Variants in ZNF664 observed in about 807,000 individuals in gnomAD.
ZNF664 encodes zinc finger Organ of Corti 1.
A neutral mutation model predicts 18.2 loss-of-function variants in ZNF664; 10 were observed. The ratio of observed to expected loss-of-function variants is 0.55; its 90% confidence interval spans 0.34 to 0.93. ZNF664 has a LOEUF of 0.93. Among genes scored for constraint, ZNF664 ranks in the 40% least tolerant of loss-of-function variants. The pLI is 0.02. For missense variants in ZNF664, 193 were observed against 319.0 expected (o/e 0.61, Z 3.01); for synonymous variants, 119 against 104.2 (o/e 1.14, Z -0.86).
intron 2 of ZNF664, among the ~76,000 whole-genome samples, chr12:123,978,239 A>G (rs935675813): frequency 3.3e-5 from 5 of 152,242 alleles, no homozygotes; most frequent in African/African-American, 7.2e-5. Context: ...AGTATTTTCA[A>G]TATGCAAAGA....
intron 2 of ZNF664, among the ~76,000 whole-genome samples, chr12:123,981,501 G>C (rs547799588): frequency 6.6e-6 from 1 of 152,192 alleles, no homozygotes; most frequent in Non-Finnish European, 1.5e-5. Context: ...GATGCCCTGT[G>C]CCGGCTCAGG....
chr12:123,981,040 A>C (rs1231527305), intron 2 of ZNF664, among the ~76,000 whole-genome samples: 1 of 152,162 alleles, frequency 6.6e-6, no homozygotes. Flanking sequence ...TTTGCATTTT[A>C]GAAGGTTACA....
intron 2 of ZNF664, among the ~76,000 whole-genome samples, chr12:123,984,816 T>C (rs1956805308): frequency 6.6e-6 from 1 of 152,082 alleles, no homozygotes; most frequent in African/African-American, 2.4e-5. Flanking sequence ...GGCATCATCA[T>C]CATGGAAATG....
intron 3 of ZNF664, chr12:124,003,377 G>C (rs1382962923): frequency 2.0e-5 from 3 of 151,684 alleles, no homozygotes; most frequent in Non-Finnish European, 4.4e-5. Context: ...GGAAAATGAA[G>C]GGCTTGCCAT....
chr12:123,987,438 C>T (rs1956838627), intron 2 of ZNF664, among the ~76,000 whole-genome samples: 1 of 152,110 alleles, frequency 6.6e-6, no homozygotes, highest in Non-Finnish European at 1.5e-5. Flanking sequence ...CTTTGTTGAG[C>T]CCTTGAAATT....
At chr12:123,975,197 T>A (rs1159096848) in intron 2 of ZNF664, among the ~76,000 whole-genome samples, 1 of 152,150 alleles carries the variant, frequency 6.6e-6, no homozygotes, top group Admixed American at 6.5e-5. Flanking sequence ...TAAAGGTTGG[T>A]TTTATTAGCC....
rs138393796 is a variant in ZNF664, at chr12:124,013,498, C to T, written c.*568C>T. 2.3e-3 allele frequency: 393 copies of T among 170,030 alleles called. 1 individual carries two copies. The highest frequency in any genetic ancestry group is 3.8e-3 in the Non-Finnish European group (265 of 69,926). The allele number at this position is 170,030 out of a possible 1,614,324, so 10.5% of individuals were successfully genotyped here. A position where few individuals can be genotyped will look rare whatever the true frequency, so the allele number is the denominator to read the frequency against. On this transcript the variant is annotated 3_prime_UTR_variant, in exon 5 of 5. Coordinates refer to ENST00000337815, the MANE Select transcript of ZNF664 (RefSeq NM_152437.3). ...TAAATATCCATCCCTTCCTAGATGGCATTAACTTTCATTTTAGATTTTAGG... is the reference window on the plus strand; with the variant it reads ...TAAATATCCATCCCTTCCTAGATGGTATTAACTTTCATTTTAGATTTTAGG...
chr12:123,993,932 T>TAG (rs1956917182), intron 3 of ZNF664, among the ~76,000 whole-genome samples: 1 of 152,220 alleles, frequency 6.6e-6, no homozygotes. Context: ...CAGTGTCAGA[T>TAG]AGATGCACAG....
chr12:124,000,757 G>A (rs1347294286), intron 3 of ZNF664, among the ~76,000 whole-genome samples: 1 of 152,060 alleles, frequency 6.6e-6, no homozygotes, highest in African/African-American at 2.4e-5. Context: ...TTCAGTATGT[G>A]CTCTTCTACT....
chr12:123,978,748 A>G (rs983562846), intron 2 of ZNF664, among the ~76,000 whole-genome samples: 2 of 152,230 alleles, frequency 1.3e-5, no homozygotes, highest in Non-Finnish European at 1.5e-5. Context: ...GGGATTTGCT[A>G]TATGAGAAGT....
At chr12:123,982,223 G>T (rs1377748613) in intron 2 of ZNF664, among the ~76,000 whole-genome samples, 3 of 152,200 alleles carry the variant, frequency 2.0e-5, no homozygotes. Flanking sequence ...TAGTATGGCT[G>T]GAGCATGGGT....
intron 3 of ZNF664, among the ~76,000 whole-genome samples, chr12:124,001,535 G>A (rs955031437): frequency 6.6e-6 from 1 of 151,962 alleles, no homozygotes; most frequent in African/African-American, 2.4e-5. Context: ...CTTTCCCTCG[G>A]GTCATGTATC....
At chr12:123,998,517 C>T (rs1362774378) in intron 3 of ZNF664, 2 of 152,492 alleles carry the variant, frequency 1.3e-5, no homozygotes, top group African/African-American at 4.8e-5. Context: ...CATCTGATGA[C>T]CTCTGTATAC....
At chr12:123,974,185 C>A in intron 2 of ZNF664, 165 bp downstream of exon 2, 2 of 435,408 alleles carry the variant, frequency 4.6e-6, no homozygotes, top group East Asian at 3.6e-5. Context: ...CTCTCCGCCA[C>A]ATCACCTCTC....
intron 3 of ZNF664, among the ~76,000 whole-genome samples, chr12:123,992,834 T>C (rs1321514694): frequency 6.6e-6 from 1 of 152,138 alleles, no homozygotes; most frequent in Admixed American, 6.6e-5. Flanking sequence ...CTGGGCTTTG[T>C]GGTGTGGAGG....
chr12:123,985,762 G>A (rs966472198), intron 2 of ZNF664, among the ~76,000 whole-genome samples: 3 of 152,174 alleles, frequency 2.0e-5, no homozygotes, highest in Admixed American at 1.3e-4. Flanking sequence ...AAACACGTCC[G>A]CTGCTGTGGG....
intron 3 of ZNF664, 73 bp downstream of exon 3, chr12:123,988,211 CTCTAG>C: frequency 8.2e-7 from 1 of 1,225,296 alleles, no homozygotes. Context: ...CCAAAGCTGT[CTCTAG>C]AATTTTTTCT....
In ZNF664 at chr12:124,014,533, C is replaced by G. The variant is rs184384736; in HGVS notation, c.*1603C>G. The G allele has an allele frequency of 1.3e-4, 22 of 167,176 alleles. No homozygotes were observed. Among genetic ancestry groups the G allele is most frequent in the African/African-American group, 4.6e-4 (19 of 41,552 alleles). The allele number at this position is 167,176 out of a possible 1,614,324, so 10.4% of individuals were successfully genotyped here. A position where few individuals can be genotyped will look rare whatever the true frequency, so the allele number is the denominator to read the frequency against. ...CAATTTTTAACTTTCTCTTCTCATT[C>G]CTGTTTTCATTGATTTCCCACATGT... is the stretch of plus-strand genomic sequence containing the variant. On this transcript the variant is annotated 3_prime_UTR_variant, in exon 5 of 5. Coordinates refer to ENST00000337815, the MANE Select transcript of ZNF664 (RefSeq NM_152437.3).
chr12:123,978,294 G>A (rs970003314), intron 2 of ZNF664, among the ~76,000 whole-genome samples: 1 of 152,210 alleles, frequency 6.6e-6, no homozygotes, highest in Non-Finnish European at 1.5e-5. Flanking sequence ...CCACACACAG[G>A]TGGTTATAGG....
Sources: gnomAD v4.1 joint callset for allele counts (sites outside exome capture counted in the v4.1 genomes callset) on GRCh38, gnomAD v4.1.1 for gene constraint, MANE v1.5 for transcripts, NCBI Gene and HGNC (gene_info 2026-07-23, HGNC 2026-07-21) for gene names.